The following TMEM178A variants were observed in gnomAD, a reference collection of about 807,000 sequenced individuals.
The protein encoded by TMEM178A is transmembrane protein 178A, also known as transmembrane protein 178.
A neutral mutation model predicts 29.1 loss-of-function variants in TMEM178A; 12 were observed. That is an observed-to-expected ratio of 0.41 (90% CI 0.26 to 0.67). The LOEUF (loss-of-function observed/expected upper bound fraction) is 0.67. Among genes scored for constraint, TMEM178A ranks in the 30% least tolerant of loss-of-function variants. TMEM178A has a pLI of 0.29. For missense variants in TMEM178A, 366 were observed against 419.1 expected (o/e 0.87, Z 1.11); for synonymous variants, 210 against 187.2 (o/e 1.12, Z -0.99).
chr2:39,682,912 TCTC>T (rs1270368228), intron 1 of TMEM178A, among the ~76,000 whole-genome samples: 1 of 152,086 alleles, frequency 6.6e-6, no homozygotes, highest in East Asian at 1.9e-4. Context: ...CCCACACAAT[TCTC>T]CTCTTCACAG....
Position 39,690,748 on chromosome 2 carries a change from G to C in TMEM178A, c.401-13333G>C, listed in dbSNP as rs180997862. Reference sequence around the variant, plus strand: ...AGTCCCAGTAGCTGGCCCCAAAGAGGTGAATATCTATGAACTGCCTGATAG... The same window carrying C: ...AGTCCCAGTAGCTGGCCCCAAAGAGCTGAATATCTATGAACTGCCTGATAG... On this transcript the variant is annotated intron_variant, in intron 1 of 3. Coordinates refer to ENST00000281961, the MANE Select transcript of TMEM178A (RefSeq NM_152390.3). Among the ~76,000 whole-genome samples the C allele has an allele frequency of 2.5e-3, 375 of 152,292 alleles. 5 individuals are homozygous for C. The highest frequency in any genetic ancestry group is 8.6e-3 in the African/African-American group (357 of 41,570).
intron 2 of TMEM178A, among the ~76,000 whole-genome samples, chr2:39,706,180 G>A (rs1030649354): frequency 6.6e-6 from 1 of 152,166 alleles, no homozygotes; most frequent in Non-Finnish European, 1.5e-5. Flanking sequence ...AGGCATGTGG[G>A]GAAAGAGCTG....
intron 1 of TMEM178A, among the ~76,000 whole-genome samples, chr2:39,686,513 G>A (rs1671081492): frequency 6.6e-6 from 1 of 152,102 alleles, no homozygotes; most frequent in Admixed American, 6.5e-5. Context: ...ACCGGCTTCT[G>A]GTGCCGAGGG....
At chr2:39,678,336 C>T (rs1670716932) in intron 1 of TMEM178A, among the ~76,000 whole-genome samples, 1 of 152,090 alleles carries the variant, frequency 6.6e-6, no homozygotes, top group African/African-American at 2.4e-5. Flanking sequence ...ATCCAAATGT[C>T]CATCAACTGA....
the TMEM178A span, among the ~76,000 whole-genome samples, chr2:39,728,482 G>A: frequency 1.3e-5 from 2 of 151,788 alleles, no homozygotes; most frequent in Non-Finnish European, 2.9e-5. Flanking sequence ...TCTTTTCTGG[G>A]CCACACTCTG....
At chr2:39,729,204 C>T in the TMEM178A span, among the ~76,000 whole-genome samples, 2 of 152,152 alleles carry the variant, frequency 1.3e-5, no homozygotes, top group Non-Finnish European at 1.5e-5. Flanking sequence ...TCACTGCCAC[C>T]CCTGCCGGGG....
intron 1 of TMEM178A, among the ~76,000 whole-genome samples, chr2:39,698,604 G>C (rs1268406547): frequency 6.6e-6 from 1 of 152,048 alleles, no homozygotes; most frequent in Non-Finnish European, 1.5e-5. Context: ...ATAAGGAATA[G>C]TATGTAATTT....
intron 1 of TMEM178A, among the ~76,000 whole-genome samples, chr2:39,692,074 C>T (rs144186181): frequency 9.9e-5 from 15 of 152,180 alleles, no homozygotes; most frequent in African/African-American, 3.1e-4. Context: ...AAGACAAATA[C>T]TGCATGATCT....
intron 1 of TMEM178A, among the ~76,000 whole-genome samples, chr2:39,692,791 G>A (rs202223032): frequency 1.3e-5 from 2 of 152,124 alleles, no homozygotes; most frequent in African/African-American, 2.4e-5. Context: ...AAAAATATAC[G>A]CTCAGAGTAG....
chr2:39,685,341 G>A (rs1438312010), intron 1 of TMEM178A, among the ~76,000 whole-genome samples: 1 of 152,096 alleles, frequency 6.6e-6, no homozygotes, highest in Non-Finnish European at 1.5e-5. Flanking sequence ...CTTATCCTGG[G>A]GATGTCAGCC....
intron 1 of TMEM178A, among the ~76,000 whole-genome samples, chr2:39,703,084 A>G (rs2160198): frequency 0.46 from 70,293 of 151,978 alleles, 16,879 homozygotes; most frequent in East Asian, 0.76. Flanking sequence ...CTTTATATGC[A>G]CTCAGATTCC....
chr2:39,697,730 G>C (rs1671605914), intron 1 of TMEM178A: 2 of 152,270 alleles, frequency 1.3e-5, no homozygotes, highest in Non-Finnish European at 2.9e-5. Flanking sequence ...CTAATTCCTG[G>C]CACATGCAGA....
intron 1 of TMEM178A, among the ~76,000 whole-genome samples, chr2:39,683,302 G>A (rs990572675): frequency 5.9e-5 from 9 of 152,138 alleles, no homozygotes; most frequent in African/African-American, 9.7e-5. Flanking sequence ...CAGCAAAGCC[G>A]AGAATGTTAT....
At position 39,717,542 on chromosome 2, in the gene TMEM178A, G is replaced by A. The variant is rs1369319191; in HGVS notation, c.*291G>A. The A allele has an allele frequency of 3.6e-6, 1 of 276,738 alleles. No individual in the cohort carries two copies. The highest frequency in any genetic ancestry group is 6.7e-6 in the Non-Finnish European group (1 of 148,540). 17.1% of individuals were successfully genotyped at this position (276,738 alleles called of 1,614,324 possible). ...GAAACTGCAATGGAAAAATTTGTAT[G>A]ATTTCCATTTATTTCAGAAAGTTTG... On this transcript the variant is annotated 3_prime_UTR_variant, in exon 4 of 4. Transcript: ENST00000281961.
chr2:39,683,567 A>C (rs745418846), intron 1 of TMEM178A, among the ~76,000 whole-genome samples: 1 of 152,212 alleles, frequency 6.6e-6, no homozygotes, highest in Non-Finnish European at 1.5e-5. Flanking sequence ...TAATATATGC[A>C]GCTGTAATTT....
intron 1 of TMEM178A, among the ~76,000 whole-genome samples, chr2:39,690,621 CAGG>C (rs1263653058): frequency 6.6e-6 from 1 of 152,140 alleles, no homozygotes; most frequent in Non-Finnish European, 1.5e-5. Context: ...TCAGTAAAGA[CAGG>C]AGGAGGAGAC....
chr2:39,675,501 C>T (rs574471073), intron 1 of TMEM178A, among the ~76,000 whole-genome samples: 1 of 152,112 alleles, frequency 6.6e-6, no homozygotes, highest in African/African-American at 2.4e-5. Flanking sequence ...AGTAGTTCCC[C>T]GTTGACTTAA....
the TMEM178A span, among the ~76,000 whole-genome samples, chr2:39,732,804 C>A: frequency 1.3e-5 from 2 of 152,142 alleles, no homozygotes; most frequent in African/African-American, 4.8e-5. Flanking sequence ...AAGTAGAGAG[C>A]CATCTCTTAG....
At chr2:39,697,987 T>C (rs1428458545) in intron 1 of TMEM178A, 1 of 152,274 alleles carries the variant, frequency 6.6e-6, no homozygotes, top group Non-Finnish European at 1.5e-5. Flanking sequence ...TTCTGTGAGA[T>C]GCAGGTAGGA....
Sources: allele counts gnomAD v4.1 joint callset (sites outside exome capture counted in the v4.1 genomes callset), GRCh38; gene constraint gnomAD v4.1.1; transcripts MANE v1.5; gene names NCBI Gene and HGNC (gene_info 2026-07-23, HGNC 2026-07-21).